GALNTL6: variants seen among roughly 807,000 people sequenced by gnomAD.
GALNTL6 encodes the protein polypeptide N-acetylgalactosaminyltransferase-like 6.
GALNTL6 carries 46 observed loss-of-function variants against 73.7 expected under a neutral mutation model. The ratio of observed to expected loss-of-function variants is 0.62; its 90% CI spans 0.49 to 0.80. GALNTL6 has a LOEUF of 0.80. GALNTL6 is among the 30% of genes least tolerant of loss of function. The pLI is 0.00. For synonymous variants in GALNTL6, 259 were observed against 263.7 expected, an observed-to-expected ratio of 0.98 and a Z score of 0.17; for missense variants, 604 against 755.0, an observed-to-expected ratio of 0.80 and a Z score of 2.34.
chr4:172,670,936 G>A (rs754031964), intron 5 of GALNTL6, among the ~76,000 whole-genome samples: 2 of 152,012 alleles, frequency 1.3e-5, no homozygotes, highest in Non-Finnish European at 2.9e-5. Context: ...TTTTTGTCAG[G>A]TTTGTTGAAG....
intron 2 of GALNTL6, among the ~76,000 whole-genome samples, chr4:172,217,410 T>A (rs1391131488): frequency 6.6e-6 from 1 of 152,156 alleles, no homozygotes; most frequent in Non-Finnish European, 1.5e-5. Flanking sequence ...TCCAAACCCC[T>A]TAGATAGGAA....
intron 2 of GALNTL6, among the ~76,000 whole-genome samples, chr4:172,128,104 A>G (rs1299741517): frequency 6.6e-6 from 1 of 152,110 alleles, no homozygotes; most frequent in African/African-American, 2.4e-5. Flanking sequence ...ATTCCGTCTC[A>G]AAAAAAGAAA....
At chr4:172,531,866 T>C (rs867944247) in intron 5 of GALNTL6, among the ~76,000 whole-genome samples, 2 of 151,984 alleles carry the variant, frequency 1.3e-5, no homozygotes, top group Middle Eastern at 3.4e-3. Context: ...CCATCAAGGG[T>C]ATTTATCAGG....
At chr4:172,722,763 C>A (rs762785504) in intron 5 of GALNTL6, among the ~76,000 whole-genome samples, 3 of 152,230 alleles carry the variant, frequency 2.0e-5, no homozygotes, top group Non-Finnish European at 4.4e-5. Flanking sequence ...TAAATATATT[C>A]TTTTGAATTT....
intron 7 of GALNTL6, among the ~76,000 whole-genome samples, chr4:172,876,318 T>C (rs1745192151): frequency 6.6e-6 from 1 of 152,226 alleles, no homozygotes; most frequent in Non-Finnish European, 1.5e-5. Context: ...TTCTTCCTCA[T>C]CTTATCCAAA....
intron 7 of GALNTL6, among the ~76,000 whole-genome samples, chr4:172,839,122 A>T (rs1457006656): frequency 3.3e-5 from 5 of 152,240 alleles, no homozygotes; most frequent in Non-Finnish European, 7.3e-5. Context: ...TTCAATAAAA[A>T]GGTGAGAAGG....
chr4:172,971,454 T>C (rs1750578915), intron 10 of GALNTL6, among the ~76,000 whole-genome samples: 1 of 152,170 alleles, frequency 6.6e-6, no homozygotes, highest in African/African-American at 2.4e-5. Flanking sequence ...TGGTAGAAAT[T>C]GGCTACAGGA....
At chr4:172,077,400 G>A (rs767318464) in intron 2 of GALNTL6, among the ~76,000 whole-genome samples, 5 of 152,002 alleles carry the variant, frequency 3.3e-5, no homozygotes, top group Non-Finnish European at 5.9e-5. Flanking sequence ...AGGTGATCTC[G>A]GATGGAAATG....
In GALNTL6 at chr4:171,882,150, C is replaced by A. The variant is rs531868505; in HGVS notation, c.138+67432C>A. On this transcript the variant is annotated intron_variant, in intron 2 of 12. Transcript: ENST00000506823. Reference sequence around the variant, plus strand: ...CATTGAACATCTATTTTCTTGGGTGCTTTCACTGAGCTTCAGTAAATACAT... The same window carrying A: ...CATTGAACATCTATTTTCTTGGGTGATTTCACTGAGCTTCAGTAAATACAT... Among the ~76,000 whole-genome samples, 165 of 152,192 alleles carry A rather than the reference C, an allele frequency of 1.1e-3. 1 individual carries two copies. The highest frequency in any genetic ancestry group is 3.8e-3 in the African/African-American group (158 of 41,534).
At chr4:172,090,506 G>A (rs1579128382) in intron 2 of GALNTL6, among the ~76,000 whole-genome samples, 1 of 152,254 alleles carries the variant, frequency 6.6e-6, no homozygotes, top group South Asian at 2.1e-4. Flanking sequence ...CTTCTTTTGA[G>A]AAGTGTCTGT....
At chr4:172,606,700 G>C (rs1223592240) in intron 5 of GALNTL6, among the ~76,000 whole-genome samples, 5 of 78,270 alleles carry the variant, frequency 6.4e-5, no homozygotes, top group African/African-American at 2.0e-4. Flanking sequence ...TATATATATA[G>C]TGTGTATATA....
At chr4:172,403,849 G>A (rs934851344) in intron 5 of GALNTL6, among the ~76,000 whole-genome samples, 7 of 151,866 alleles carry the variant, frequency 4.6e-5, no homozygotes, top group African/African-American at 1.7e-4. Context: ...TTCAGAAACG[G>A]TTGATACTTT....
intron 3 of GALNTL6, among the ~76,000 whole-genome samples, chr4:172,280,834 G>C (rs1739019189): frequency 6.6e-6 from 1 of 151,924 alleles, no homozygotes; most frequent in East Asian, 1.9e-4. Context: ...TATTGCTACT[G>C]TAACAACTTA....
At chr4:172,074,008 C>T (rs551801447) in intron 2 of GALNTL6, among the ~76,000 whole-genome samples, 2 of 152,262 alleles carry the variant, frequency 1.3e-5, no homozygotes, top group South Asian at 2.1e-4. Context: ...CTTAACTTCC[C>T]CTTATCTCTA....
chr4:172,818,799 A>T (rs894068864), intron 7 of GALNTL6, among the ~76,000 whole-genome samples: 1 of 152,144 alleles, frequency 6.6e-6, no homozygotes, highest in Admixed American at 6.5e-5. Flanking sequence ...GGGTTTTGCC[A>T]TGTTGGTCAG....
At chr4:172,757,402 C>T (rs1737812597) in intron 5 of GALNTL6, among the ~76,000 whole-genome samples, 1 of 152,142 alleles carries the variant, frequency 6.6e-6, no homozygotes, top group Non-Finnish European at 1.5e-5. Flanking sequence ...TAAAGTTTAA[C>T]CCAACTGGGT....
At chr4:172,263,836 G>A (rs1465449633) in intron 3 of GALNTL6, among the ~76,000 whole-genome samples, 2 of 151,514 alleles carry the variant, frequency 1.3e-5, no homozygotes, top group Non-Finnish European at 3.0e-5. Flanking sequence ...ATAAGTATGT[G>A]TACATGCAGG....
intron 2 of GALNTL6, among the ~76,000 whole-genome samples, chr4:171,924,320 A>C (rs745803405): frequency 6.6e-6 from 1 of 152,118 alleles, no homozygotes; most frequent in Non-Finnish European, 1.5e-5. Context: ...GAGTAAGTGC[A>C]GTTTCACAGG....
At chr4:172,721,593 C>T (rs1314113235) in intron 5 of GALNTL6, among the ~76,000 whole-genome samples, 1 of 152,132 alleles carries the variant, frequency 6.6e-6, no homozygotes, top group Non-Finnish European at 1.5e-5. Context: ...TTGGTTACAG[C>T]TATGCCATAA....
Sources: allele counts gnomAD v4.1 joint callset (sites outside exome capture counted in the v4.1 genomes callset), GRCh38; gene constraint gnomAD v4.1.1; transcripts MANE v1.5; gene names NCBI Gene and HGNC (gene_info 2026-07-23, HGNC 2026-07-21).